The following ESR1 variants were observed in gnomAD, a reference collection of about 807,000 sequenced individuals.
The protein encoded by ESR1 is estrogen receptor 1.
In ESR1, 12 loss-of-function variants were observed where a neutral mutation model predicts 52.7. That is an observed-to-expected ratio of 0.23 (90% CI 0.15 to 0.37). The LOEUF is 0.37. Among genes scored for constraint, ESR1 ranks in the 10% least tolerant of loss-of-function variants. The pLI is 1.00. For synonymous variants in ESR1, 305 were observed against 316.8 expected (o/e 0.96, Z 0.39); for missense variants, 584 against 779.7 (o/e 0.75, Z 2.99).
chr6:151,709,034 C>T (rs1780382456), intron 2 of ESR1, among the ~76,000 whole-genome samples: 3 of 152,136 alleles, frequency 2.0e-5, no homozygotes, highest in Non-Finnish European at 1.5e-5. Flanking sequence ...TAACTATAGT[C>T]ACCATGTTGT....
intron 1 of ESR1, among the ~76,000 whole-genome samples, chr6:151,691,306 T>A (rs1778919845): frequency 6.6e-6 from 1 of 152,284 alleles, no homozygotes; most frequent in East Asian, 1.9e-4. Context: ...GGCACATACA[T>A]AATGACTCCA....
chr6:151,898,925 AGACGGGGTGGTG>A (rs1363530224), intron 3 of ESR1, among the ~76,000 whole-genome samples: 1 of 152,128 alleles, frequency 6.6e-6, no homozygotes, highest in Non-Finnish European at 1.5e-5. Flanking sequence ...CACACCTCCC[AGACGGGGTGGTG>A]GCCGGGCAGA....
chr6:152,023,383 G>A (rs1001889172), intron 5 of ESR1, among the ~76,000 whole-genome samples: 1 of 152,076 alleles, frequency 6.6e-6, no homozygotes, highest in African/African-American at 2.4e-5. Flanking sequence ...AAATTCAGTA[G>A]TTATTAAAAT....
At chr6:151,998,123 T>C (rs2041651909) in intron 4 of ESR1, among the ~76,000 whole-genome samples, 1 of 152,172 alleles carries the variant, frequency 6.6e-6, no homozygotes, top group Admixed American at 6.6e-5. Flanking sequence ...ATTAAGAAAA[T>C]TATTTGCTCT....
intron 1 of ESR1, among the ~76,000 whole-genome samples, chr6:151,662,783 C>T (rs976573577): frequency 2.0e-5 from 3 of 152,108 alleles, no homozygotes; most frequent in African/African-American, 7.2e-5. Flanking sequence ...GAATTAGTGG[C>T]AAAGAAGAGT....
At chr6:151,838,319 C>T (rs747469262) in intron 1 of ESR1, among the ~76,000 whole-genome samples, 4 of 152,216 alleles carry the variant, frequency 2.6e-5, no homozygotes, top group Non-Finnish European at 4.4e-5. Context: ...GTGCAGTGGG[C>T]CAAGGCCAGG....
At chr6:151,696,499 TAA>T (rs1779356768) in intron 1 of ESR1, among the ~76,000 whole-genome samples, 1 of 150,790 alleles carries the variant, frequency 6.6e-6, no homozygotes. Flanking sequence ...AATAAATAAA[TAA>T]ATAAATAAAT....
upstream of ESR1, among the ~76,000 whole-genome samples, chr6:151,800,169 A>G (rs1777096315): frequency 6.6e-6 from 1 of 152,198 alleles, no homozygotes; most frequent in African/African-American, 2.4e-5. Flanking sequence ...TTTTCAATGT[A>G]TATATGAAAG....
intron 4 of ESR1, among the ~76,000 whole-genome samples, chr6:151,955,323 A>G (rs3020390): frequency 0.55 from 83,066 of 152,078 alleles, 24,702 homozygotes; most frequent in Middle Eastern, 0.71. Context: ...GTGTTGTGCA[A>G]CAATGTGAAT....
chr6:151,958,889 C>T (rs1232532999), intron 4 of ESR1, among the ~76,000 whole-genome samples: 1 of 152,274 alleles, frequency 6.6e-6, no homozygotes, highest in East Asian at 1.9e-4. Context: ...TTTTGCATCA[C>T]TTCTCTTTTG....
intron 5 of ESR1, among the ~76,000 whole-genome samples, chr6:152,060,111 A>T (rs2047432540): frequency 6.6e-6 from 1 of 152,180 alleles, no homozygotes; most frequent in Admixed American, 6.5e-5. Context: ...GTAGTATCTC[A>T]TTTAAATTCT....
chr6:152,052,188 C>G (rs1049042365), intron 5 of ESR1, among the ~76,000 whole-genome samples: 2 of 152,038 alleles, frequency 1.3e-5, no homozygotes, highest in Non-Finnish European at 2.9e-5. Flanking sequence ...ACCTGCTCTC[C>G]CATAAACTGA....
rs1585252177 is a variant in ESR1 at position 152,098,457 on chromosome 6, A to G, written c.1554-275A>G. The stretch of plus-strand genomic sequence containing the variant: ...GGTCCATGGAAGTCACCTGCATAGC[A>G]AATACCCTGAAAGTGGCTGCAGGGA... On this transcript the variant is annotated intron_variant, in intron 7 of 7. Coordinates refer to ENST00000206249, the MANE Select transcript of ESR1 (RefSeq NM_000125.4). The surrounding 1 kb of genome is among the most constrained non-coding windows in gnomAD (Gnocchi z 5.1). Among the ~76,000 whole-genome samples, 1 of 152,144 alleles carries G rather than the reference A, an allele frequency of 6.6e-6. No individual in the cohort carries two copies. Among genetic ancestry groups the G allele is most frequent in the East Asian group, 1.9e-4 (1 of 5,144 alleles).
chr6:152,084,615 G>A (rs2049537319), intron 6 of ESR1, among the ~76,000 whole-genome samples: 1 of 151,500 alleles, frequency 6.6e-6, no homozygotes, highest in African/African-American at 2.4e-5. Flanking sequence ...ACAGTTCCCA[G>A]GATGGACTGC....
intron 1 of ESR1, chr6:151,809,105 G>T: frequency 2.6e-6 from 1 of 377,832 alleles, no homozygotes; most frequent in Non-Finnish European, 5.6e-6. Flanking sequence ...GGAAGCACAA[G>T]TGCTTAAAAA....
At chr6:151,981,920 A>C (rs551725031) in intron 4 of ESR1, among the ~76,000 whole-genome samples, 2 of 152,230 alleles carry the variant, frequency 1.3e-5, no homozygotes, top group Non-Finnish European at 2.9e-5. Flanking sequence ...TGTAAACATC[A>C]AGCTAAGGAG....
chr6:151,843,777 C>G (rs558034450), intron 2 of ESR1, among the ~76,000 whole-genome samples: 1 of 152,064 alleles, frequency 6.6e-6, no homozygotes, highest in Admixed American at 6.5e-5. Context: ...AACCAGAGTC[C>G]GCTAAGTTAA....
intron 5 of ESR1, among the ~76,000 whole-genome samples, chr6:152,033,779 C>A (rs1584925389): frequency 6.6e-6 from 1 of 152,224 alleles, no homozygotes; most frequent in East Asian, 1.9e-4. Flanking sequence ...TTTGACCCAG[C>A]CATCCCATTA....
chr6:151,756,983 C>T (rs535203275), intron 2 of ESR1, among the ~76,000 whole-genome samples: 18 of 152,218 alleles, frequency 1.2e-4, no homozygotes, highest in African/African-American at 4.3e-4. Flanking sequence ...GAGCGAGACT[C>T]TGTCTCAAAA....
Sources: allele counts gnomAD v4.1 joint callset (sites outside exome capture counted in the v4.1 genomes callset), GRCh38; gene constraint gnomAD v4.1.1; non-coding constraint Gnocchi (gnomAD v3.1); transcripts MANE v1.5; gene names NCBI Gene and HGNC (gene_info 2026-07-23, HGNC 2026-07-21).